The following TRIQK variants were observed in gnomAD, a reference collection of about 807,000 sequenced individuals.
TRIQK encodes the protein triple QxxK/R motif containing.
Under a neutral mutation model 10.8 loss-of-function variants are expected in TRIQK, and 10 were observed. The ratio of observed to expected loss-of-function variants is 0.92; its 90% CI spans 0.57 to 1.57. TRIQK has a LOEUF of 1.57. Among genes scored for constraint, TRIQK ranks in the 40% most tolerant of loss-of-function variants. The pLI, the probability that TRIQK is intolerant of heterozygous loss-of-function variation, is 0.00. For synonymous variants in TRIQK, 33 were observed against 33.7 expected (o/e 0.98, Z 0.07); for missense variants, 107 against 97.7 (o/e 1.09, Z -0.40).
intron 1 of TRIQK, among the ~76,000 whole-genome samples, chr8:92,978,786 A>T (rs1002663407): frequency 2.0e-5 from 3 of 151,980 alleles, no homozygotes; most frequent in South Asian, 2.1e-4. Context: ...TTCCAACTCA[A>T]TGTTTGAGAG....
At chr8:92,926,553 A>G (rs1810458981) in intron 2 of TRIQK, among the ~76,000 whole-genome samples, 1 of 152,160 alleles carries the variant, frequency 6.6e-6, no homozygotes, top group Admixed American at 6.5e-5. Flanking sequence ...TGGTCTAAAT[A>G]ATAATTGGGA....
upstream of TRIQK, among the ~76,000 whole-genome samples, chr8:92,970,509 T>C (rs549406248): frequency 6.6e-6 from 1 of 152,324 alleles, no homozygotes; most frequent in Non-Finnish European, 1.5e-5. Context: ...TGGTGTGAAA[T>C]GGTATCTCAT....
intron 1 of TRIQK, among the ~76,000 whole-genome samples, chr8:92,990,937 G>C (rs1586524477): frequency 6.6e-6 from 1 of 152,202 alleles, no homozygotes; most frequent in East Asian, 1.9e-4. Context: ...GCTGAAGCCA[G>C]GGAGCCAAGT....
At chr8:92,970,888 G>C (rs1443771205), upstream of TRIQK, among the ~76,000 whole-genome samples, 1 of 152,084 alleles carries the variant, frequency 6.6e-6, no homozygotes, top group Non-Finnish European at 1.5e-5. Flanking sequence ...TGTCCTGAAT[G>C]GTACTGCCTA....
Position 92,884,829 on chromosome 8 carries a change from C to T in TRIQK, c.*1793G>A, listed in dbSNP as rs1298148823. On this transcript the variant is annotated 3_prime_UTR_variant, in exon 5 of 5. Transcript: ENST00000521988. ...GAAATAACTAAATGAAAATTGTTCACGTAAATGTGATGGGAGTGGGGGGGT... is the reference window on the plus strand; with the variant it reads ...GAAATAACTAAATGAAAATTGTTCATGTAAATGTGATGGGAGTGGGGGGGT... The T allele has an allele frequency of 6.6e-6, 3 of 454,496 alleles. No homozygotes were observed. Among genetic ancestry groups the T allele is most frequent in the Admixed American group, 2.4e-5 (1 of 42,352 alleles). 28.2% of individuals were successfully genotyped at this position (454,496 alleles called of 1,614,324 possible). A position where few individuals can be genotyped will look rare whatever the true frequency, so the allele number is the denominator to read the frequency against.
At chr8:92,938,526 C>T (rs952867748) in intron 2 of TRIQK, among the ~76,000 whole-genome samples, 4 of 152,028 alleles carry the variant, frequency 2.6e-5, no homozygotes, top group Non-Finnish European at 5.9e-5. Flanking sequence ...TTAGATGTAT[C>T]GTTTTGTAAT....
intron 2 of TRIQK, among the ~76,000 whole-genome samples, chr8:92,930,048 T>C (rs1021117025): frequency 2.6e-5 from 4 of 151,292 alleles, no homozygotes; most frequent in Non-Finnish European, 5.9e-5. Context: ...TACAGTATAA[T>C]AAAAAATAAA....
At chr8:92,946,869 T>C (rs1019265265) in intron 2 of TRIQK, among the ~76,000 whole-genome samples, 3 of 151,872 alleles carry the variant, frequency 2.0e-5, no homozygotes, top group Admixed American at 2.0e-4. Context: ...CACGCCATTC[T>C]CCTGCCTCAG....
At chr8:92,925,024 A>T (rs1810375328) in intron 2 of TRIQK, among the ~76,000 whole-genome samples, 1 of 152,136 alleles carries the variant, frequency 6.6e-6, no homozygotes, top group Admixed American at 6.5e-5. Context: ...CAACATTGAT[A>T]TGAAAATTTA....
chr8:92,933,447 G>A (rs1249522450), intron 2 of TRIQK, among the ~76,000 whole-genome samples: 2 of 152,112 alleles, frequency 1.3e-5, no homozygotes, highest in East Asian at 3.9e-4. Flanking sequence ...ATACCCCATA[G>A]AGGTCTATCA....
intron 2 of TRIQK, chr8:92,921,458 C>G (rs746545974): frequency 1.1e-4 from 16 of 151,676 alleles, no homozygotes; most frequent in Non-Finnish European, 1.9e-4. Flanking sequence ...TATTTTCAAC[C>G]AACAGAATGT....
intron 2 of TRIQK, among the ~76,000 whole-genome samples, chr8:92,917,410 G>A (rs34881359): frequency 0.011 from 1,674 of 152,062 alleles, 14 homozygotes; most frequent in Non-Finnish European, 0.018. Context: ...TACATTAAAA[G>A]TAAGGCTAAA....
At chr8:92,985,871 A>G (rs1241610370) in intron 1 of TRIQK, among the ~76,000 whole-genome samples, 1 of 152,158 alleles carries the variant, frequency 6.6e-6, no homozygotes, top group Non-Finnish European at 1.5e-5. Context: ...AAAATTAGTA[A>G]GAATCCAATA....
At chr8:92,904,412 CA>C (rs763845910) in intron 3 of TRIQK, among the ~76,000 whole-genome samples, 1 of 152,110 alleles carries the variant, frequency 6.6e-6, no homozygotes, top group African/African-American at 2.4e-5. Context: ...TTTGTATGTG[CA>C]GTCACACTGA....
intron 2 of TRIQK, among the ~76,000 whole-genome samples, chr8:92,949,446 A>G (rs1418109872): frequency 6.6e-6 from 1 of 152,082 alleles, no homozygotes; most frequent in Admixed American, 6.6e-5. Context: ...TAAGTGCTCA[A>G]TAAATGTTAT....
intron 4 of TRIQK, among the ~76,000 whole-genome samples, chr8:92,890,002 C>T (rs1816679567): frequency 6.6e-6 from 1 of 151,706 alleles, no homozygotes; most frequent in African/African-American, 2.4e-5. Context: ...TATGGTCATT[C>T]TATATCAACT....
At chr8:92,999,756 G>GT (rs564460505) in intron 1 of TRIQK, among the ~76,000 whole-genome samples, 145 of 152,136 alleles carry the variant, frequency 9.5e-4, no homozygotes, top group African/African-American at 3.3e-3. Flanking sequence ...AAGACTAATG[G>GT]TTTTTCAGAG....
chr8:92,981,433 C>T (rs537595935), intron 1 of TRIQK, among the ~76,000 whole-genome samples: 2 of 151,958 alleles, frequency 1.3e-5, no homozygotes, highest in South Asian at 4.2e-4. Context: ...ATTTCTATTT[C>T]AAACTCATGA....
rs76343561 is a variant in TRIQK, at chr8:92,971,177, G to A, written c.-180-16613C>T. On this transcript the variant is annotated intron_variant, in intron 1 of 4. Transcript: ENST00000520686. ...ATGTGTCTGTTTTTGTACCAACACCGTGCTTCTTTGGTTACTGTAGCCTTG... is the reference window on the plus strand; with the variant it reads ...ATGTGTCTGTTTTTGTACCAACACCATGCTTCTTTGGTTACTGTAGCCTTG... 7.2e-4 allele frequency among the ~76,000 whole-genome samples: 110 copies of A among 151,938 alleles called. 2 individuals are homozygous for A. In the South Asian group the frequency reaches 0.012, roughly 17 times the overall value.
Sources: allele counts gnomAD v4.1 joint callset (sites outside exome capture counted in the v4.1 genomes callset), GRCh38; gene constraint gnomAD v4.1.1; transcripts MANE v1.5; gene names NCBI Gene and HGNC (gene_info 2026-07-23, HGNC 2026-07-21).